The following MYH7 variants were observed in gnomAD, a reference collection of about 807,000 sequenced individuals.
The protein encoded by MYH7 is myosin heavy chain 7.
MYH7 carries 129 observed loss-of-function variants against 225.4 expected under a neutral mutation model. The ratio of observed to expected loss-of-function variants is 0.57; its 90% CI spans 0.50 to 0.66. MYH7 has a LOEUF of 0.66. Among genes scored for constraint, MYH7 ranks in the 30% least tolerant of loss-of-function variants. The pLI is 0.00. For synonymous variants in MYH7, 971 were observed against 1,007.6 expected, an observed-to-expected ratio of 0.96 and a Z score of 0.69; for missense variants, 1,649 against 2,517.0, an observed-to-expected ratio of 0.66 and a Z score of 7.38.
intron 26 of MYH7, among the ~76,000 whole-genome samples, chr14:23,420,653 T>C (rs1036932951): frequency 6.6e-6 from 1 of 152,204 alleles, no homozygotes. Flanking sequence ...AACCTCCATG[T>C]AACAGGGGAG....
intron 14 of MYH7, 120 bp downstream of exon 14, chr14:23,428,835 G>A (rs1268000006): frequency 6.3e-7 from 1 of 1,579,864 alleles, no homozygotes; most frequent in Non-Finnish European, 8.6e-7. Flanking sequence ...GACTGCCTCT[G>A]TCACCACACA....
rs1482310944 is a variant in MYH7 at position 23,420,172 on chromosome 14, C to T, written c.3399G>A (p.Glu1133=). 1.2e-6 allele frequency: 2 copies of T among 1,602,842 alleles called. No individual in the cohort carries two copies. The highest frequency in any genetic ancestry group is 8.5e-7 in the Non-Finnish European group (1 of 1,176,124). ...CCCGAGACAGGTCTGAGCGCAGCTT[C>T]TCCACCTTAGCCCTGGCGGTGCGCT... is the stretch of plus-strand genomic sequence containing the variant. ...EAERTARAKV[E]KLRSDLSREL... Residue 1133 remains glutamate (E), a synonymous_variant, in exon 27 of 40, where the codon GAG becomes GAA. Transcript: ENST00000355349.
intron 31 of MYH7, 25 bp downstream of exon 31, chr14:23,417,478 G>C: frequency 6.2e-7 from 1 of 1,612,220 alleles, no homozygotes; most frequent in Non-Finnish European, 8.5e-7. Flanking sequence ...CTGCATGCTG[G>C]CTGCGGCCCC....
At position 23,424,762 on chromosome 14, in the gene MYH7, G is replaced by A. The variant is rs368653983; in HGVS notation, c.2679+7C>T. ...TGGAAGAGCCAACAGTAGCCCAGGAGCCTCACCGCCTGCACTTGGAGCTGC... is the reference window on the plus strand; with the variant it reads ...TGGAAGAGCCAACAGTAGCCCAGGAACCTCACCGCCTGCACTTGGAGCTGC... On this transcript the variant is annotated splice_region_variant and intron_variant, in intron 22 of 39. Transcript: ENST00000355349. The A allele has an allele frequency of 4.5e-5, 73 of 1,613,864 alleles. No homozygotes were observed. Among genetic ancestry groups the A allele is most frequent in the Middle Eastern group, 1.7e-4 (1 of 6,006 alleles).
At chr14:23,417,926 C>G in intron 30 of MYH7, 1 of 866,914 alleles carries the variant, frequency 1.2e-6, no homozygotes, top group Non-Finnish European at 2.0e-6. Flanking sequence ...GAGGTATGGG[C>G]TTCTGCAGCC....
In MYH7 at chr14:23,418,361, A is replaced by G. The variant is rs762191995; in HGVS notation, c.4018T>C (p.Cys1340Arg). 1 of 1,613,706 alleles carries G rather than the reference A, an allele frequency of 6.2e-7. No homozygotes were observed. The highest frequency in any genetic ancestry group is 8.5e-7 in the Non-Finnish European group (1 of 1,179,806). The change falls in exon 30 of 40, where the codon TGC (cysteine) becomes CGC (arginine). Residue 1340 changes from cysteine (C) to arginine (R), a missense_variant. Physicochemically the swap from Cys to Arg is radical, Grantham distance 180 (BLOSUM62 -3). Coordinates refer to ENST00000355349, the MANE Select transcript of MYH7 (RefSeq NM_000257.4). ...TCGTACTGCTCCCGCAGCAGGTCGC[A>G]GTCATGCCGGGCCGACTGCAGTGCG... ...AHALQSARHD[C>R]DLLREQYEEE...
Position 23,425,359 on chromosome 14 carries a change from G to A in MYH7, c.2346C>T (p.Ser782=). 1 of 1,614,168 alleles carries A rather than the reference G, an allele frequency of 6.2e-7. No individual in the cohort carries two copies. Among genetic ancestry groups the A allele is most frequent in the South Asian group, 1.1e-5 (1 of 91,086 alleles). The part of the protein sequence containing the change: ...LLEEMRDERL[S]RIITRIQAQS... ...GGGCCTGGATACGCGTGATGATGCG[G>A]CTCAGCCTCTCGTCCCTCATTTCCT... Residue 782 remains serine, a synonymous_variant, in exon 21 of 40, where the codon AGC becomes AGT. Coordinates refer to ENST00000355349, the MANE Select transcript of MYH7 (RefSeq NM_000257.4). This position sits in a 1 kb window ranked among gnomAD's most constrained non-coding sequence, Gnocchi z 4.6.
chr14:23,430,971 G>T lies in MYH7; in HGVS notation c.825C>A (p.Phe275Leu). 1 of 1,613,794 alleles carries T rather than the reference G, an allele frequency of 6.2e-7. No homozygotes were observed. Among genetic ancestry groups the T allele is most frequent in the Non-Finnish European group, 8.5e-7 (1 of 1,179,686 alleles). ...TYLLEKSRVI[F>L]QLKAERDYHI... ...GATAATCTCTCTCTGCTTTCAGCTG[G>T]AAAATAACTCTGGATTTTTCCAGAA... The change falls in exon 10 of 40, where the codon TTC becomes TTA. Residue 275 changes from phenylalanine (F) to leucine (L), a missense_variant. Transcript: ENST00000355349.
In MYH7 at chr14:23,417,185, T is replaced by G. The variant is rs397516218; in HGVS notation, c.4487A>C (p.Glu1496Ala). The change falls in exon 32 of 40, where the codon GAG (glutamate) becomes GCG (alanine). Residue 1496 changes from glutamate (E) to alanine (A), a missense_variant. Glu to Ala is a moderately radical substitution (Grantham distance 107). Around this residue, in one of 12 missense-constraint regions of MYH7, gnomAD observed 687 missense variants for 913.8 expected, o/e 0.75. Transcript: ENST00000355349. ...GTTTTTGTTCTCCCGCTTGAAGGTC[T>G]CCAGATGTTCCAGGGACTCCTCATA... ...NAYEESLEHL[E>A]TFKRENKNLQ... 3.1e-6 allele frequency: 5 copies of G among 1,614,034 alleles called. No homozygotes were observed. Among genetic ancestry groups the G allele is most frequent in the Non-Finnish European group, 4.2e-6 (5 of 1,180,016 alleles).
intron 9 of MYH7, 26 bp downstream of exon 9, chr14:23,431,392 G>C: frequency 1.2e-6 from 2 of 1,610,704 alleles, no homozygotes; most frequent in Non-Finnish European, 1.7e-6. Flanking sequence ...AGCTTAGGCT[G>C]AGCCTAGCAG....
Position 23,425,571 on chromosome 14 carries a change from G to A in MYH7, c.2286+124C>T, listed in dbSNP as rs1013575461. 38 of 1,581,526 alleles carry A rather than the reference G, an allele frequency of 2.4e-5. No homozygotes were observed. The African/African-American group carries it at 4.3e-4, about 18-fold the overall frequency. On this transcript the variant is annotated intron_variant, in intron 20 of 39. Coordinates refer to ENST00000355349, the MANE Select transcript of MYH7 (RefSeq NM_000257.4). The surrounding 1 kb of genome is among the most constrained non-coding windows in gnomAD (Gnocchi z 4.6). ...TGGGATGAGGGGAGTGGTGCTAGATGTTCCACTGGGAGGGGTAGCATACAG... is the reference window on the plus strand; with the variant it reads ...TGGGATGAGGGGAGTGGTGCTAGATATTCCACTGGGAGGGGTAGCATACAG...
chr14:23,415,384 C>T lies in MYH7; in HGVS notation c.5280G>A (p.Thr1760=), dbSNP rs374803185. The change falls in exon 36 of 40, where the codon ACG becomes ACA. Residue 1760 remains threonine (T), a synonymous_variant. Transcript: ENST00000355349. The surrounding 1 kb of genome is among the most constrained non-coding windows in gnomAD (Gnocchi z 6.3). ...NAEEKAKKAI[T]DAAMMAEELK... is the part of the protein sequence containing the mutation. ...GTCGGTGGAGTGGGGGACTTACATC[C>T]GTGATGGCCTTCTTGGCCTTCTCCT... The T allele has an allele frequency of 1.4e-5, 23 of 1,614,082 alleles. No individual in the cohort carries two copies. The highest frequency in any genetic ancestry group is 3.3e-5 in the South Asian group (3 of 91,086).
intron 15 of MYH7, 82 bp from the exon 16 acceptor site, chr14:23,427,976 C>A: frequency 1.3e-6 from 2 of 1,554,330 alleles, no homozygotes; most frequent in East Asian, 2.3e-5. Context: ...TATACTTGCT[C>A]GTGGAGGTGC....
intron 18 of MYH7, 75 bp downstream of exon 18, chr14:23,426,702 G>C: frequency 7.4e-7 from 1 of 1,342,974 alleles, no homozygotes; most frequent in South Asian, 1.2e-5. Context: ...TGGTAGGTAG[G>C]GAGATGTCCT....
In MYH7 at chr14:23,423,430, AACACAAAC is replaced by A. The variant is rs1218741328; in HGVS notation, c.3099+109_3099+116del. On this transcript the variant is annotated intron_variant, in intron 24 of 39. Coordinates refer to ENST00000355349, the MANE Select transcript of MYH7 (RefSeq NM_000257.4). ...CTAACCCTACCCCCCTCTAAACATA[AACACAAAC>A]ACACACACACACACACACACACACA... is the stretch of plus-strand genomic sequence containing the variant. The A allele has an allele frequency of 1.9e-5, 23 of 1,212,126 alleles. No individual in the cohort carries two copies. In the African/African-American group the frequency reaches 2.4e-4, roughly 13 times the overall value. The allele number at this position is 1,212,126 out of a possible 1,614,324, so 75.1% of individuals were successfully genotyped here.
Position 23,415,524 on chromosome 14 carries a change from T to G in MYH7, c.5158-18A>C. 6.2e-7 allele frequency: 1 copy of G among 1,614,082 alleles called. No homozygotes were observed. Among genetic ancestry groups the G allele is most frequent in the Non-Finnish European group, 8.5e-7 (1 of 1,179,994 alleles). On this transcript the variant is annotated intron_variant, in intron 35 of 39. Coordinates refer to ENST00000355349, the MANE Select transcript of MYH7 (RefSeq NM_000257.4). This position sits in a 1 kb window ranked among gnomAD's most constrained non-coding sequence, Gnocchi z 6.3. ...CTGGTGTTCTGGGTTGGGGGAGGGT[T>G]GGGCAGAGCAGGAAAAGCATTGAGC...
chr14:23,428,452 C>A (rs1340731613), intron 15 of MYH7, 48 bp downstream of exon 15: 1 of 1,613,202 alleles, frequency 6.2e-7, no homozygotes, highest in South Asian at 1.1e-5. Flanking sequence ...CTATGGTGTT[C>A]TTGTTGGGTG....
intron 33 of MYH7, 99 bp downstream of exon 33, chr14:23,416,769 A>G: frequency 6.3e-7 from 1 of 1,589,256 alleles, no homozygotes; most frequent in Non-Finnish European, 8.6e-7. Context: ...GGCTCTGGGG[A>G]TGGGACAGTG....
chr14:23,414,581 A>T (rs1307459178), intron 37 of MYH7, among the ~76,000 whole-genome samples: 1 of 152,220 alleles, frequency 6.6e-6, no homozygotes, highest in Admixed American at 6.5e-5. Context: ...TCAGAGTCTG[A>T]TTCTAGAAAA....
Sources: allele counts gnomAD v4.1 joint callset (sites outside exome capture counted in the v4.1 genomes callset), GRCh38; gene constraint gnomAD v4.1.1; regional missense constraint gnomAD v4.1.1; non-coding constraint Gnocchi (gnomAD v3.1); transcripts MANE v1.5; gene names NCBI Gene and HGNC (gene_info 2026-07-23, HGNC 2026-07-21).